Variants in CAPN13 observed in about 807,000 individuals in gnomAD.
CAPN13 encodes calpain 13.
CAPN13 carries 90 observed loss-of-function variants against 98.4 expected under a neutral mutation model. The observed-to-expected ratio is 0.92, with a 90% CI of 0.77 to 1.09. CAPN13 has a LOEUF of 1.09. Ranked by LOEUF, CAPN13 falls within the 50% of genes least tolerant of loss-of-function variation. The pLI, the probability that CAPN13 is intolerant of heterozygous loss-of-function variation, is 0.00. For missense variants in CAPN13, 887 were observed against 841.3 expected, an observed-to-expected ratio of 1.05 and a Z score of -0.67; for synonymous variants, 330 against 305.5, an observed-to-expected ratio of 1.08 and a Z score of -0.84.
At position 30,788,363 on chromosome 2, in the gene CAPN13, G is replaced by A. The variant is rs139841143; in HGVS notation, c.-32-1006C>T. ...TTAGCATCCCAATTTTCCTTGAGTTGACAAGGAAGGCTGAGGTTTCTTGTT... is the reference window on the plus strand; with the variant it reads ...TTAGCATCCCAATTTTCCTTGAGTTAACAAGGAAGGCTGAGGTTTCTTGTT... On this transcript the variant is annotated intron_variant, in intron 1 of 22. Transcript: ENST00000295055. Among the ~76,000 whole-genome samples the A allele has an allele frequency of 1.1e-4, 16 of 152,284 alleles. No homozygotes were observed. The East Asian group carries it at 3.1e-3, about 29-fold the overall frequency.
intron 19 of CAPN13, among the ~76,000 whole-genome samples, chr2:30,732,842 A>G (rs145172224): frequency 0.018 from 2,761 of 152,268 alleles, 40 homozygotes; most frequent in Non-Finnish European, 0.026. Flanking sequence ...ACGTAATGGG[A>G]GAGCTGCTGG....
intron 11 of CAPN13, among the ~76,000 whole-genome samples, chr2:30,746,090 G>C (rs897079282): frequency 2.0e-5 from 3 of 151,750 alleles, no homozygotes; most frequent in Non-Finnish European, 4.4e-5. Flanking sequence ...GTAGAGACGG[G>C]GTTTCACCGT....
chr2:30,794,488 C>T (rs1401047727), intron 1 of CAPN13, among the ~76,000 whole-genome samples: 1 of 151,854 alleles, frequency 6.6e-6, no homozygotes, highest in African/African-American at 2.4e-5. Flanking sequence ...AACAGTGTGG[C>T]AGTTTCCTAA....
At chr2:30,750,145 T>C (rs1167888478) in intron 11 of CAPN13, among the ~76,000 whole-genome samples, 1 of 152,080 alleles carries the variant, frequency 6.6e-6, no homozygotes, top group Non-Finnish European at 1.5e-5. Context: ...AAAACAGCTG[T>C]TTTTTTCTGG....
intron 15 of CAPN13, among the ~76,000 whole-genome samples, chr2:30,740,108 T>TGAGATGGAG (rs1311165399): frequency 6.7e-6 from 1 of 150,158 alleles, no homozygotes; most frequent in Non-Finnish European, 1.5e-5. Flanking sequence ...TTTTTTTTTT[T>TGAGATGGAG]TTTTGAGATG....
At chr2:30,806,743 C>T (rs1186995026) in intron 1 of CAPN13, among the ~76,000 whole-genome samples, 1 of 152,188 alleles carries the variant, frequency 6.6e-6, no homozygotes, top group Non-Finnish European at 1.5e-5. Context: ...CCACTAGAGG[C>T]ATATAGGAAC....
intron 4 of CAPN13, 24 bp from the exon 5 acceptor site, chr2:30,770,473 T>C (rs1255723038): frequency 1.2e-6 from 2 of 1,610,536 alleles, no homozygotes; most frequent in African/African-American, 1.3e-5. Context: ...AAGCATATGC[T>C]TTGACAGAGT....
At position 30,732,562 on chromosome 2, in the gene CAPN13, G is replaced by T. The variant is rs772084845; in HGVS notation, c.1803C>A (p.Phe601Leu). 34 of 1,607,458 alleles carry T rather than the reference G, an allele frequency of 2.1e-5. No homozygotes were observed. The highest frequency in any genetic ancestry group is 2.8e-5 in the Non-Finnish European group (33 of 1,177,702). The change falls in exon 20 of 23, where the codon TTC (phenylalanine) becomes TTA (leucine). Residue 601 changes from phenylalanine (F) to leucine (L), a missense_variant. Transcript: ENST00000295055. Reference protein sequence around the residue: ...DLWKAIENTDFLRGIFISREL... With the variant: ...DLWKAIENTDLLRGIFISREL... ...CACGGCTGATGAAGATCCCTCTGAG[G>T]AAGTCTGGGGCCACAGGTGAACGAG...
intron 11 of CAPN13, 48 bp from the exon 12 acceptor site, chr2:30,745,782 A>G: frequency 6.4e-7 from 1 of 1,572,234 alleles, no homozygotes; most frequent in Non-Finnish European, 8.6e-7. Flanking sequence ...AGACGTAAAC[A>G]AAAAGGCAAG....
At chr2:30,731,094 C>G (rs1455930524) in intron 21 of CAPN13, among the ~76,000 whole-genome samples, 1 of 152,184 alleles carries the variant, frequency 6.6e-6, no homozygotes, top group Non-Finnish European at 1.5e-5. Context: ...CTGTTCCCTC[C>G]TGGATTTATG....
In CAPN13 at chr2:30,730,602, T is replaced by A. The variant is rs530590868; in HGVS notation, c.*30+128A>T. ...GGGCCTTGAGCAGCTAAGCCTTGGT[T>A]CACTTATGTAAGGGTCTGTCATCCC... is the stretch of plus-strand genomic sequence containing the variant. On this transcript the variant is annotated intron_variant, in intron 22 of 22. Transcript: ENST00000295055. 7.8e-5 allele frequency: 47 copies of A among 601,666 alleles called. No individual in the cohort carries two copies. The East Asian group carries it at 1.2e-3, about 16-fold the overall frequency. 37.3% of individuals were successfully genotyped at this position (601,666 alleles called of 1,614,324 possible). A position where few individuals can be genotyped will look rare whatever the true frequency, so the allele number is the denominator to read the frequency against.
rs377668996 is a variant in CAPN13 at position 30,774,525 on chromosome 2, T to C, written c.387+1405A>G. The stretch of plus-strand genomic sequence containing the variant: ...GGTTAAATGAATTGTCAGAGATTCA[T>C]ATAAGCAACTCAGTGGCAATATATT... On this transcript the variant is annotated intron_variant, in intron 4 of 22. Coordinates refer to ENST00000295055, the MANE Select transcript of CAPN13 (RefSeq NM_144575.3). Among the ~76,000 whole-genome samples, 7 of 152,310 alleles carry C rather than the reference T, an allele frequency of 4.6e-5. No individual in the cohort carries two copies. In the East Asian group the frequency reaches 9.6e-4, roughly 21 times the overall value.
intron 11 of CAPN13, among the ~76,000 whole-genome samples, chr2:30,750,812 C>T (rs1480508778): frequency 6.6e-6 from 1 of 152,142 alleles, no homozygotes; most frequent in Admixed American, 6.5e-5. Flanking sequence ...TGGTCTTGGC[C>T]CAGACCACTT....
At chr2:30,769,410 C>T (rs564907024) in intron 5 of CAPN13, among the ~76,000 whole-genome samples, 304 of 152,222 alleles carry the variant, frequency 2.0e-3, no homozygotes, top group African/African-American at 6.8e-3. Flanking sequence ...TAGGAGGAGA[C>T]GGATGTGTCA....
chr2:30,793,930 T>G (rs1466723550), intron 1 of CAPN13, among the ~76,000 whole-genome samples: 1 of 151,268 alleles, frequency 6.6e-6, no homozygotes, highest in East Asian at 1.9e-4. Flanking sequence ...AAAAACCAAG[T>G]CAAAATGATC....
chr2:30,752,304 A>G (rs1330855927), intron 10 of CAPN13, among the ~76,000 whole-genome samples: 1 of 152,176 alleles, frequency 6.6e-6, no homozygotes, highest in Non-Finnish European at 1.5e-5. Flanking sequence ...ACACACACAA[A>G]TGCATTGTTT....
intron 17 of CAPN13, among the ~76,000 whole-genome samples, chr2:30,736,925 A>C (rs1333023793): frequency 2.6e-5 from 4 of 152,196 alleles, no homozygotes; most frequent in African/African-American, 9.7e-5. Context: ...CCCCAGAAGC[A>C]GCAGCCACAG....
At chr2:30,771,665 T>C (rs993034743) in intron 4 of CAPN13, among the ~76,000 whole-genome samples, 3 of 152,034 alleles carry the variant, frequency 2.0e-5, no homozygotes, top group Admixed American at 1.3e-4. Flanking sequence ...CAGAAGGGAG[T>C]ACCAAAAGGA....
At chr2:30,773,614 T>C (rs75240578) in intron 4 of CAPN13, among the ~76,000 whole-genome samples, 3,309 of 152,082 alleles carry the variant, frequency 0.022, 61 homozygotes, top group South Asian at 0.056. Context: ...ATGCAACAAA[T>C]AGGGATATTG....
Sources: allele counts gnomAD v4.1 joint callset (sites outside exome capture counted in the v4.1 genomes callset), GRCh38; gene constraint gnomAD v4.1.1; transcripts MANE v1.5; gene names NCBI Gene and HGNC (gene_info 2026-07-23, HGNC 2026-07-21).